The following GRIK4 variants were observed in gnomAD, a reference collection of about 807,000 sequenced individuals.
The protein encoded by GRIK4 is glutamate ionotropic receptor kainate type subunit 4, also known as glutamate receptor ionotropic, kainate 4.
Under a neutral mutation model 104.9 loss-of-function variants are expected in GRIK4, and 40 were observed. The observed-to-expected ratio is 0.38, with a 90% confidence interval of 0.30 to 0.50. The LOEUF (loss-of-function observed/expected upper bound fraction) is 0.50. GRIK4 is among the 20% of genes least tolerant of loss of function. The pLI, the probability that GRIK4 is intolerant of heterozygous loss-of-function variation, is 0.93. For synonymous variants in GRIK4, 485 were observed against 524.9 expected (o/e 0.92, Z 1.04); for missense variants, 1,047 against 1,308.1 (o/e 0.80, Z 3.08).
At chr11:120,665,237 G>T (rs1949892709) in intron 3 of GRIK4, among the ~76,000 whole-genome samples, 1 of 151,686 alleles carries the variant, frequency 6.6e-6, no homozygotes, top group Non-Finnish European at 1.5e-5. Flanking sequence ...CCTTGTAGAG[G>T]ATTCACCATG....
chr11:120,899,607 T>C (rs1313115031), intron 12 of GRIK4, among the ~76,000 whole-genome samples: 1 of 152,186 alleles, frequency 6.6e-6, no homozygotes. Context: ...CCTGAGGTTG[T>C]AAGTTAGTAG....
At chr11:120,772,421 AC>A (rs1403389324) in intron 3 of GRIK4, among the ~76,000 whole-genome samples, 1 of 152,126 alleles carries the variant, frequency 6.6e-6, no homozygotes. Context: ...TTGAGCACCT[AC>A]TGCATGCTAG....
intron 1 of GRIK4, among the ~76,000 whole-genome samples, chr11:120,630,290 C>T (rs531421779): frequency 4.9e-4 from 75 of 152,326 alleles, no homozygotes; most frequent in African/African-American, 1.7e-3. Context: ...CCAGGCCTCC[C>T]GTGACCTGCT....
intron 3 of GRIK4, among the ~76,000 whole-genome samples, chr11:120,704,735 CTT>C (rs774632394): frequency 4.9e-5 from 7 of 143,064 alleles, no homozygotes; most frequent in Admixed American, 7.1e-5. Context: ...ACTCTGCAAA[CTT>C]TTTTTTTTTT....
At chr11:120,735,448 C>T (rs1054670078) in intron 3 of GRIK4, among the ~76,000 whole-genome samples, 1 of 152,118 alleles carries the variant, frequency 6.6e-6, no homozygotes, top group African/African-American at 2.4e-5. Context: ...GATGGAAGCA[C>T]CCCTATGGCC....
At chr11:120,544,266 A>G (rs1180505178) in intron 1 of GRIK4, among the ~76,000 whole-genome samples, 2 of 152,228 alleles carry the variant, frequency 1.3e-5, no homozygotes, top group East Asian at 3.9e-4. Flanking sequence ...CAAGTTGTAT[A>G]CATTAAATAT....
chr11:120,589,504 C>A (rs1308864461), intron 1 of GRIK4, among the ~76,000 whole-genome samples: 1 of 152,182 alleles, frequency 6.6e-6, no homozygotes, highest in Non-Finnish European at 1.5e-5. Flanking sequence ...ACGCTGCTGG[C>A]CACCCGTGTC....
intron 1 of GRIK4, among the ~76,000 whole-genome samples, chr11:120,540,484 C>T (rs534767425): frequency 1.6e-4 from 24 of 151,980 alleles, no homozygotes; most frequent in Non-Finnish European, 2.8e-4. Flanking sequence ...CATGGTGGTG[C>T]GCACCTGTAA....
chr11:120,902,251 C>T lies in GRIK4; in HGVS notation c.1273-3039C>T, dbSNP rs1326753144. ...TGAACACCTTTTCTGTATCAGACCC[C>T]GTGTTCAGCGGTTTGCCACATTCTC... is the stretch of plus-strand genomic sequence containing the variant. On this transcript the variant is annotated intron_variant, in intron 12 of 20. Transcript: ENST00000527524. The surrounding 1 kb of genome is among the most constrained non-coding windows in gnomAD (Gnocchi z 4.5). 3.9e-5 allele frequency among the ~76,000 whole-genome samples: 6 copies of T among 152,132 alleles called. No individual in the cohort carries two copies. The highest frequency in any genetic ancestry group is 5.9e-5 in the Non-Finnish European group (4 of 68,024).
At chr11:120,696,352 T>C (rs1950448897) in intron 3 of GRIK4, among the ~76,000 whole-genome samples, 1 of 151,776 alleles carries the variant, frequency 6.6e-6, no homozygotes, top group Non-Finnish European at 1.5e-5. Flanking sequence ...GTGGATTGGG[T>C]GGGGCAGGGC....
intron 19 of GRIK4, among the ~76,000 whole-genome samples, chr11:120,970,835 C>CA (rs1198549701): frequency 6.6e-6 from 1 of 152,168 alleles, no homozygotes; most frequent in East Asian, 1.9e-4. Flanking sequence ...GTTCTACTGA[C>CA]AGTCACTAGG....
intron 1 of GRIK4, among the ~76,000 whole-genome samples, chr11:120,606,585 G>A (rs761149510): frequency 1.4e-4 from 22 of 152,208 alleles, no homozygotes; most frequent in Non-Finnish European, 2.4e-4. Flanking sequence ...GGTTTAAGAA[G>A]CACCTACTAA....
chr11:120,668,093 AGATAGATG>A (rs1242065753), intron 3 of GRIK4, among the ~76,000 whole-genome samples: 7 of 142,414 alleles, frequency 4.9e-5, no homozygotes, highest in Admixed American at 2.1e-4. Flanking sequence ...ATAGATGGAT[AGATAGATG>A]GATAGATAGA....
intron 3 of GRIK4, among the ~76,000 whole-genome samples, chr11:120,796,038 T>A (rs998486881): frequency 1.7e-3 from 9 of 5,226 alleles, no homozygotes; most frequent in Non-Finnish European, 3.1e-3. Context: ...TTCCTGAATT[T>A]TTTTTTTTTT....
At chr11:120,669,235 A>G (rs930186640) in intron 3 of GRIK4, among the ~76,000 whole-genome samples, 1 of 152,006 alleles carries the variant, frequency 6.6e-6, no homozygotes, top group African/African-American at 2.4e-5. Flanking sequence ...ATTTTTTGAA[A>G]CCTTATTTGA....
chr11:120,792,414 A>C (rs2135493925), intron 3 of GRIK4, among the ~76,000 whole-genome samples: 1 of 152,136 alleles, frequency 6.6e-6, no homozygotes, highest in Non-Finnish European at 1.5e-5. Context: ...CTTTTAAAGC[A>C]GGGCTTTACA....
chr11:120,665,938 TTC>T (rs1949906821), intron 3 of GRIK4, among the ~76,000 whole-genome samples: 1 of 152,188 alleles, frequency 6.6e-6, no homozygotes, highest in South Asian at 2.1e-4. Context: ...GGGATGTTTA[TTC>T]TCTCTTTTGC....
At chr11:120,576,281 G>A (rs1413749536) in intron 1 of GRIK4, 1 of 152,196 alleles carries the variant, frequency 6.6e-6, no homozygotes, top group Non-Finnish European at 1.5e-5. Flanking sequence ...GAATTAATTA[G>A]TAGGACAATA....
rs1187730193 is a variant in GRIK4, at chr11:120,952,607, C to T, written c.1591-248C>T. 6.6e-6 allele frequency among the ~76,000 whole-genome samples: 1 copy of T among 152,214 alleles called. No homozygotes were observed. The highest frequency in any genetic ancestry group is 2.4e-5 in the African/African-American group (1 of 41,464). On this transcript the variant is annotated intron_variant, in intron 14 of 20. Coordinates refer to ENST00000527524, the MANE Select transcript of GRIK4 (RefSeq NM_014619.5). This position sits in a 1 kb window ranked among gnomAD's most constrained non-coding sequence, Gnocchi z 5.2. ...CTTTGCCAGCACAAAGCCTGCCTCACCCCAGGGAGTGGCATGGCCCCTGCT... is the reference window on the plus strand; with the variant it reads ...CTTTGCCAGCACAAAGCCTGCCTCATCCCAGGGAGTGGCATGGCCCCTGCT...
Sources: gnomAD v4.1 joint callset for allele counts (sites outside exome capture counted in the v4.1 genomes callset) on GRCh38, gnomAD v4.1.1 for gene constraint, Gnocchi (gnomAD v3.1) non-coding constraint, MANE v1.5 for transcripts, NCBI Gene and HGNC (gene_info 2026-07-23, HGNC 2026-07-21) for gene names.